The following TET1 variants were observed in gnomAD, a reference collection of about 807,000 sequenced individuals.
The protein encoded by TET1 is tet methylcytosine dioxygenase 1.
A neutral mutation model predicts 148.7 loss-of-function variants in TET1; 13 were observed. The ratio of observed to expected loss-of-function variants is 0.09; its 90% CI spans 0.06 to 0.14. TET1 has a LOEUF of 0.14. TET1 is among the 10% of genes least tolerant of loss of function. The pLI, the probability that TET1 is intolerant of heterozygous loss-of-function variation, is 1.00. For synonymous variants in TET1, 907 were observed against 937.2 expected, an observed-to-expected ratio of 0.97 and a Z score of 0.59; for missense variants, 2,182 against 2,553.8, an observed-to-expected ratio of 0.85 and a Z score of 3.14.
chr10:68,685,699 G>A (rs1345202933), intron 10 of TET1, among the ~76,000 whole-genome samples: 1 of 151,900 alleles, frequency 6.6e-6, no homozygotes, highest in Non-Finnish European at 1.5e-5. Context: ...GTAAGGAGGA[G>A]GGCTAAAATA....
In TET1 at chr10:68,694,355, T is replaced by C. The variant is rs2055629356; in HGVS notation, c.*2541T>C. ...CAATTTACCATCCCATTCTCTGCCC[T>C]GTGATTTTTTTTAAAAGCTTATTCA... is the stretch of plus-strand genomic sequence containing the variant. On this transcript the variant is annotated 3_prime_UTR_variant, in exon 12 of 12. Coordinates refer to ENST00000373644, the MANE Select transcript of TET1 (RefSeq NM_030625.3). 4.3e-6 allele frequency: 1 copy of C among 232,504 alleles called. No homozygotes were observed. The highest frequency in any genetic ancestry group is 1.8e-4 in the South Asian group (1 of 5,530). 14.4% of individuals were successfully genotyped at this position (232,504 alleles called of 1,614,324 possible).
intron 1 of TET1, among the ~76,000 whole-genome samples, chr10:68,565,014 C>A (rs1215035391): frequency 6.6e-6 from 1 of 151,888 alleles, no homozygotes; most frequent in East Asian, 1.9e-4. Context: ...CAGAGCAAGA[C>A]CTGTCTCAAA....
intron 2 of TET1, among the ~76,000 whole-genome samples, chr10:68,583,917 G>C (rs2053830148): frequency 1.3e-5 from 2 of 151,522 alleles, no homozygotes; most frequent in Admixed American, 1.3e-4. Context: ...AAAAAAAAAA[G>C]ACATGCTTAT....
Position 68,694,238 on chromosome 10 carries a change from T to C in TET1, c.*2424T>C, listed in dbSNP as rs2055627740. The stretch of plus-strand genomic sequence containing the variant: ...AAATGTTTCCATTCCGTTGTTGTAG[T>C]TAACATCATGAATGGACTTCTTAAG... On this transcript the variant is annotated 3_prime_UTR_variant, in exon 12 of 12. Transcript: ENST00000373644. 4.3e-6 allele frequency: 1 copy of C among 232,660 alleles called. No individual in the cohort carries two copies. The highest frequency in any genetic ancestry group is 2.2e-5 in the African/African-American group (1 of 45,334). The allele number at this position is 232,660 out of a possible 1,614,324, so 14.4% of individuals were successfully genotyped here. A position where few individuals can be genotyped will look rare whatever the true frequency, so the allele number is the denominator to read the frequency against.
chr10:68,638,348 T>C lies in TET1; in HGVS notation c.1969-6350T>C, dbSNP rs535454965. On this transcript the variant is annotated intron_variant, in intron 3 of 11. Transcript: ENST00000373644. ...CAAATACTTTGTGGTCTGCCCATTG[T>C]AGTGTTTCACATAATACTTTGTTAA... is the stretch of plus-strand genomic sequence containing the variant. Among the ~76,000 whole-genome samples the C allele has an allele frequency of 2.0e-5, 3 of 152,338 alleles. No homozygotes were observed. In the South Asian group the frequency reaches 6.2e-4, roughly 32 times the overall value.
At chr10:68,609,595 A>G (rs1354373834) in intron 3 of TET1, among the ~76,000 whole-genome samples, 4 of 152,014 alleles carry the variant, frequency 2.6e-5, no homozygotes, top group Non-Finnish European at 5.9e-5. Flanking sequence ...TTAAATAGTA[A>G]CTCCTTTTCT....
rs140156872 is a variant in TET1 at position 68,603,542 on chromosome 10, G to A, written c.1968+2508G>A. On this transcript the variant is annotated intron_variant, in intron 3 of 11. Coordinates refer to ENST00000373644, the MANE Select transcript of TET1 (RefSeq NM_030625.3). ...TCCCAGAACTTTGGGAGGCCAAGGC[G>A]GGAGGATTGCTTGAGGCCAGGAGTT... Among the ~76,000 whole-genome samples, 1,034 of 152,208 alleles carry A rather than the reference G, an allele frequency of 6.8e-3. 17 individuals are homozygous for A. The highest frequency in any genetic ancestry group is 0.011 in the Non-Finnish European group (717 of 68,012).
intron 8 of TET1, chr10:68,674,946 G>C (rs2055329553): frequency 2.7e-6 from 1 of 369,516 alleles, no homozygotes; most frequent in African/African-American, 2.2e-5. Flanking sequence ...TGATGTCTTT[G>C]TTAGATAAGT....
chr10:68,686,508 G>C lies in TET1; in HGVS notation c.5205G>C (p.Glu1735Asp). The change falls in exon 11 of 12, where the codon GAG (glutamate) becomes GAC (aspartate). Residue 1735 changes from glutamate (E) to aspartate (D), a missense_variant. Physicochemically the swap from Glu to Asp is conservative, Grantham distance 45. Around this residue, in one of 11 missense-constraint regions of TET1, gnomAD observed 380 missense variants for 387.9 expected, o/e 0.98. Coordinates refer to ENST00000373644, the MANE Select transcript of TET1 (RefSeq NM_030625.3). ...MEAKIKSGAI[E>D]VLAPRRKKRT... is the part of the protein sequence containing the mutation. ...CCAAGATCAAATCTGGGGCCATCGA[G>C]GTCCTGGCACCCCGCCGCAAAAAAA... 1 of 1,614,082 alleles carries C rather than the reference G, an allele frequency of 6.2e-7. No homozygotes were observed. Among genetic ancestry groups the C allele is most frequent in the Non-Finnish European group, 8.5e-7 (1 of 1,180,032 alleles).
chr10:68,671,156 G>A (rs1348396548), intron 7 of TET1, among the ~76,000 whole-genome samples: 1 of 152,070 alleles, frequency 6.6e-6, no homozygotes, highest in East Asian at 1.9e-4. Flanking sequence ...CAGCTACTAA[G>A]CTAGTATCCA....
intron 1 of TET1, among the ~76,000 whole-genome samples, chr10:68,570,954 CATTTTCTATTTTTGTT>C: frequency 6.6e-6 from 1 of 150,424 alleles, no homozygotes; most frequent in Non-Finnish European, 1.5e-5. Flanking sequence ...AAATTTTTGT[CATTTTCTATTTTTGTT>C]ATTTTATTTT....
intron 3 of TET1, among the ~76,000 whole-genome samples, chr10:68,633,520 G>A (rs940540477): frequency 3.3e-5 from 5 of 151,968 alleles, no homozygotes; most frequent in Non-Finnish European, 5.9e-5. Context: ...TAGCTGGGAC[G>A]GCAGGCATGC....
intron 3 of TET1, among the ~76,000 whole-genome samples, chr10:68,644,420 G>A (rs915086856): frequency 6.6e-6 from 1 of 152,034 alleles, no homozygotes; most frequent in Non-Finnish European, 1.5e-5. Context: ...TGCTCAGGCT[G>A]GTCTTGAATT....
chr10:68,669,078 TC>T (rs1466668835), intron 7 of TET1, among the ~76,000 whole-genome samples: 1 of 152,044 alleles, frequency 6.6e-6, no homozygotes, highest in Non-Finnish European at 1.5e-5. Context: ...TGAGAACCTA[TC>T]CCTACACAAA....
At chr10:68,662,198 G>A (rs1381596021) in intron 6 of TET1, among the ~76,000 whole-genome samples, 4 of 151,648 alleles carry the variant, frequency 2.6e-5, no homozygotes, top group African/African-American at 7.3e-5. Context: ...TAGTAGAGGC[G>A]GGATTTCACC....
chr10:68,625,065 T>C (rs1179116269), intron 3 of TET1, among the ~76,000 whole-genome samples: 1 of 152,148 alleles, frequency 6.6e-6, no homozygotes, highest in African/African-American at 2.4e-5. Flanking sequence ...TCTTACAACA[T>C]CAGTTAAATT....
chr10:68,572,988 C>T lies in TET1; in HGVS notation c.650C>T (p.Pro217Leu), dbSNP rs2053687967. 6.2e-7 allele frequency: 1 copy of T among 1,614,094 alleles called. No individual in the cohort carries two copies. The highest frequency in any genetic ancestry group is 8.5e-7 in the Non-Finnish European group (1 of 1,180,014). ...SGPAAEILPG[P>L]LEGTRCGEGL... ...CCTGCAGCTGAGATCCTTCCTGGGC[C>T]ACTGGAAGGGACACGCTGTGGTGAA... Residue 217 changes from proline to leucine, a missense_variant, in exon 2 of 12, where the codon CCA becomes CTA. By Grantham distance (98) the Pro-to-Leu change is moderately conservative (BLOSUM62 -3). Coordinates refer to ENST00000373644, the MANE Select transcript of TET1 (RefSeq NM_030625.3).
intron 6 of TET1, among the ~76,000 whole-genome samples, chr10:68,660,955 C>T (rs1008800849): frequency 2.0e-5 from 3 of 151,982 alleles, no homozygotes; most frequent in East Asian, 1.9e-4. Flanking sequence ...TGTGCCACCG[C>T]GCTAGCCGTT....
chr10:68,576,348 CAAA>C (rs374850664), intron 2 of TET1, among the ~76,000 whole-genome samples: 118 of 131,438 alleles, frequency 9.0e-4, no homozygotes, highest in Middle Eastern at 3.9e-3. Context: ...GACCCTGTCT[CAAA>C]AAAAAAAAAA....
Sources: gnomAD v4.1 joint callset for allele counts (sites outside exome capture counted in the v4.1 genomes callset) on GRCh38, gnomAD v4.1.1 for gene constraint, gnomAD v4.1.1 regional missense constraint, MANE v1.5 for transcripts, NCBI Gene and HGNC (gene_info 2026-07-23, HGNC 2026-07-21) for gene names.